IL1RAPL1: variants seen among roughly 807,000 people sequenced by gnomAD.
The protein encoded by IL1RAPL1 is interleukin-1 receptor accessory protein-like 1.
IL1RAPL1 carries 3 observed loss-of-function variants against 48.4 expected under a neutral mutation model. The ratio of observed to expected loss-of-function variants is 0.06; its 90% CI spans 0.03 to 0.16. The LOEUF (loss-of-function observed/expected upper bound fraction) is 0.16, where lower values mean the gene tolerates loss of function less well. Ranked by LOEUF, IL1RAPL1 falls within the 10% of genes least tolerant of loss-of-function variation. The probability of loss-of-function intolerance (pLI) is 1.00; values close to 1 mark genes in which losing one functional copy is unlikely to be tolerated. For missense variants in IL1RAPL1, 349 were observed against 530.6 expected, an observed-to-expected ratio of 0.66 and a Z score of 3.36; for synonymous variants, 185 against 187.7, an observed-to-expected ratio of 0.99 and a Z score of 0.12.
At chrX:28,779,628 G>GTA (rs1213588501) in intron 1 of IL1RAPL1, among the ~76,000 whole-genome samples, 7 of 56,262 alleles carry the variant, frequency 1.2e-4, no homozygotes, top group African/African-American at 2.9e-4. Context: ...ATGTGTGTGT[G>GTA]TGTGTGTATA....
At chrX:28,719,906 G>A (rs1312520630) in intron 1 of IL1RAPL1, among the ~76,000 whole-genome samples, 2 of 110,709 alleles carry the variant, frequency 1.8e-5, no homozygotes, top group Non-Finnish European at 3.8e-5. Flanking sequence ...GTCAAGAATA[G>A]CATAACATTA....
intron 2 of IL1RAPL1, among the ~76,000 whole-genome samples, chrX:29,086,793 G>C (rs749361651): frequency 8.9e-6 from 1 of 111,860 alleles, no homozygotes; most frequent in South Asian, 3.7e-4. Flanking sequence ...TAATATGTAG[G>C]GAAAATATAA....
intron 6 of IL1RAPL1, among the ~76,000 whole-genome samples, chrX:29,915,591 A>G (rs963057317): frequency 9.0e-5 from 10 of 110,644 alleles, no homozygotes; most frequent in African/African-American, 3.0e-4. Flanking sequence ...AATCTCTCAT[A>G]AGCAAAATTT....
chrX:28,809,397 T>C (rs1936766098), intron 2 of IL1RAPL1, among the ~76,000 whole-genome samples: 1 of 110,160 alleles, frequency 9.1e-6, no homozygotes, highest in Non-Finnish European at 1.9e-5. Flanking sequence ...TTACTTCAGA[T>C]AGGGAGGTCT....
At chrX:29,735,013 T>G (rs745812270) in intron 6 of IL1RAPL1, among the ~76,000 whole-genome samples, 2 of 106,479 alleles carry the variant, frequency 1.9e-5, no homozygotes, top group Non-Finnish European at 3.9e-5. Flanking sequence ...ATTGCCATTA[T>G]AGTAACTTAC....
At chrX:28,993,493 T>A (rs1175817099) in intron 2 of IL1RAPL1, among the ~76,000 whole-genome samples, 1 of 111,597 alleles carries the variant, frequency 9.0e-6, no homozygotes, top group African/African-American at 3.3e-5. Flanking sequence ...GGCTTACTGA[T>A]GGATTGATTG....
chrX:28,635,345 A>T (rs1457282749), intron 1 of IL1RAPL1, among the ~76,000 whole-genome samples: 1 of 111,797 alleles, frequency 8.9e-6, no homozygotes, highest in African/African-American at 3.3e-5. Context: ...GACATCAATG[A>T]CTTACGATGA....
At chrX:28,701,925 C>A (rs1331819585) in intron 1 of IL1RAPL1, among the ~76,000 whole-genome samples, 2 of 111,518 alleles carry the variant, frequency 1.8e-5, no homozygotes, top group African/African-American at 6.5e-5. Flanking sequence ...ACATCAAATA[C>A]CTTTAGGTTA....
At chrX:28,877,240 A>T (rs1922398383) in intron 2 of IL1RAPL1, among the ~76,000 whole-genome samples, 1 of 112,596 alleles carries the variant, frequency 8.9e-6, no homozygotes, top group Non-Finnish European at 1.9e-5. Context: ...TATGTAAAAG[A>T]AAGTTATTAT....
intron 2 of IL1RAPL1, among the ~76,000 whole-genome samples, chrX:28,908,380 T>A (rs1318555396): frequency 9.0e-6 from 1 of 111,667 alleles, no homozygotes; most frequent in African/African-American, 3.2e-5. Context: ...TCCCATAAGT[T>A]TTGGTCAGTT....
intron 6 of IL1RAPL1, among the ~76,000 whole-genome samples, chrX:29,913,469 AATAT>A (rs1199467969): frequency 9.4e-6 from 1 of 106,447 alleles, no homozygotes; most frequent in Non-Finnish European, 2.0e-5. Context: ...TAGAGAGAAA[AATAT>A]ATATATTTTC....
chrX:28,905,677 C>A (rs1923199824), intron 2 of IL1RAPL1, among the ~76,000 whole-genome samples: 1 of 111,903 alleles, frequency 8.9e-6, no homozygotes, highest in African/African-American at 3.2e-5. Context: ...TATACTAATT[C>A]TTGAAATCAC....
intron 2 of IL1RAPL1, among the ~76,000 whole-genome samples, chrX:28,953,345 G>C (rs1924521013): frequency 9.0e-6 from 1 of 111,297 alleles, no homozygotes; most frequent in African/African-American, 3.3e-5. Context: ...TTATTAATCT[G>C]TATGGCATGC....
At chrX:29,591,728 G>T (rs989954211) in intron 5 of IL1RAPL1, among the ~76,000 whole-genome samples, 2 of 112,645 alleles carry the variant, frequency 1.8e-5, no homozygotes, top group African/African-American at 6.5e-5. Context: ...TTTATTAAGG[G>T]TGACCCTGTG....
intron 1 of IL1RAPL1, among the ~76,000 whole-genome samples, chrX:28,708,957 C>A (rs1437071381): frequency 2.7e-5 from 3 of 111,486 alleles, no homozygotes; most frequent in Non-Finnish European, 5.6e-5. Flanking sequence ...AATACCCTAA[C>A]TTAATCACTA....
At chrX:29,461,729 A>G (rs1934805340) in intron 5 of IL1RAPL1, among the ~76,000 whole-genome samples, 1 of 112,306 alleles carries the variant, frequency 8.9e-6, no homozygotes, top group African/African-American at 3.2e-5. Context: ...TTGATCTCAC[A>G]GGCATTATAC....
chrX:28,761,665 G>T (rs1274225694), intron 1 of IL1RAPL1, among the ~76,000 whole-genome samples: 1 of 111,585 alleles, frequency 9.0e-6, no homozygotes, highest in Non-Finnish European at 1.9e-5. Context: ...TGGGAGATGA[G>T]ATCATTTGTA....
intron 1 of IL1RAPL1, among the ~76,000 whole-genome samples, chrX:28,769,085 G>A (rs1056355266): frequency 9.2e-6 from 1 of 108,273 alleles, no homozygotes; most frequent in African/African-American, 3.3e-5. Flanking sequence ...TAGACCTGAT[G>A]TGAAAAGAAA....
At chrX:28,848,169 G>T (rs1048002891) in intron 2 of IL1RAPL1, among the ~76,000 whole-genome samples, 5 of 110,580 alleles carry the variant, frequency 4.5e-5, no homozygotes, top group Non-Finnish European at 9.5e-5. Context: ...TGTCGGGGAT[G>T]GGGGGAAAGG....
Sources: gnomAD v4.1 joint callset for allele counts (sites outside exome capture counted in the v4.1 genomes callset) on GRCh38, gnomAD v4.1.1 for gene constraint, MANE v1.5 for transcripts, NCBI Gene and HGNC (gene_info 2026-07-23, HGNC 2026-07-21) for gene names.